The following D2HGDH variants were observed in gnomAD, a reference collection of about 807,000 sequenced individuals.
D2HGDH encodes D-2-hydroxyglutarate dehydrogenase, mitochondrial.
Under a neutral mutation model 46.9 loss-of-function variants are expected in D2HGDH, and 31 were observed. That is an observed-to-expected ratio of 0.66 (90% CI 0.50 to 0.89). The LOEUF is 0.89. Among genes scored for constraint, D2HGDH ranks in the 40% least tolerant of loss-of-function variants. The probability of loss-of-function intolerance (pLI) is 0.00; values close to 1 mark genes in which losing one functional copy is unlikely to be tolerated. For missense variants in D2HGDH, 698 were observed against 720.8 expected (o/e 0.97, Z 0.36); for synonymous variants, 364 against 332.6 (o/e 1.09, Z -1.03).
intron 7 of D2HGDH, among the ~76,000 whole-genome samples, chr2:241,750,689 G>T (rs184237166): frequency 1.5e-4 from 23 of 152,144 alleles, no homozygotes; most frequent in African/African-American, 5.1e-4. Flanking sequence ...ATTTTTTGTT[G>T]TTGGGGGATG....
chr2:241,762,212 C>T (rs938020130), intron 9 of D2HGDH, among the ~76,000 whole-genome samples: 3 of 151,886 alleles, frequency 2.0e-5, no homozygotes, highest in Non-Finnish European at 4.4e-5. Context: ...GCTGGGATTA[C>T]AGGCGTGTGC....
At chr2:241,753,263 G>A (rs1005422529) in intron 8 of D2HGDH, among the ~76,000 whole-genome samples, 1 of 152,210 alleles carries the variant, frequency 6.6e-6, no homozygotes, top group African/African-American at 2.4e-5. Context: ...CCGGATATGC[G>A]GTTGTGTGCA....
At chr2:241,750,392 C>T in intron 7 of D2HGDH, 98 bp downstream of exon 7, 6 of 962,692 alleles carry the variant, frequency 6.2e-6, no homozygotes, top group African/African-American at 1.8e-5. Context: ...GCGGGGGGTG[C>T]CCGGGCGGGC....
At chr2:241,736,580 C>T (rs1692888658) in intron 2 of D2HGDH, among the ~76,000 whole-genome samples, 2 of 152,088 alleles carry the variant, frequency 1.3e-5, no homozygotes, top group African/African-American at 2.4e-5. Flanking sequence ...CTTATAAAGA[C>T]ACTTCTCATT....
Position 241,735,510 on chromosome 2 carries a change from C to A in D2HGDH, c.286C>A (p.Leu96Met). The change falls in exon 2 of 10, where the codon CTG (leucine) becomes ATG (methionine). Residue 96 changes from leucine (L) to methionine (M), a missense_variant. By Grantham distance (15) the Leu-to-Met change is conservative. Transcript: ENST00000321264. ...TCCCAACGTGGACTGGTTGCGGACG[C>A]TGCGAGGTGGGTGAGGCTTGGGAAG... The part of the protein sequence containing the change: ...QAPNVDWLRT[L>M]RGCSKVLLRP... The A allele has an allele frequency of 6.2e-7, 1 of 1,606,074 alleles. No homozygotes were observed.
chr2:241,737,267 G>C (rs1693175109), intron 2 of D2HGDH, among the ~76,000 whole-genome samples: 1 of 152,226 alleles, frequency 6.6e-6, no homozygotes, highest in Non-Finnish European at 1.5e-5. Context: ...ACCATGCCCA[G>C]CCCCATTTTT....
intron 9 of D2HGDH, among the ~76,000 whole-genome samples, chr2:241,759,586 T>C (rs1698545105): frequency 1.3e-5 from 2 of 152,242 alleles, no homozygotes; most frequent in Admixed American, 1.3e-4. Flanking sequence ...ACAGGTTTCT[T>C]GCGTACTTGT....
chr2:241,747,544 G>GGGTT (rs1696185406), intron 6 of D2HGDH, among the ~76,000 whole-genome samples: 1 of 90,226 alleles, frequency 1.1e-5, no homozygotes, highest in Non-Finnish European at 2.1e-5. Context: ...TATCAGGAGA[G>GGGTT]TGTTTTTTTT....
chr2:241,755,430 T>G (rs1698013487), intron 8 of D2HGDH: 1 of 1,308,906 alleles, frequency 7.6e-7, no homozygotes, highest in Admixed American at 2.3e-5. Flanking sequence ...CCTCAGGGCC[T>G]TCCCTGGCCC....
At chr2:241,734,885 G>A (rs927426114) in intron 1 of D2HGDH, 190 bp downstream of exon 1, 6 of 274,684 alleles carry the variant, frequency 2.2e-5, no homozygotes, top group Non-Finnish European at 4.1e-5. Flanking sequence ...ATCCCCTCGG[G>A]GGGCGAGCTC....
chr2:241,757,855 A>T (rs1031062501), intron 9 of D2HGDH, among the ~76,000 whole-genome samples: 9 of 151,818 alleles, frequency 5.9e-5, no homozygotes, highest in African/African-American at 2.2e-4. Flanking sequence ...GCTACTCGGG[A>T]GGCTGAAGCA....
In D2HGDH at chr2:241,743,637, A is replaced by G; in HGVS notation, c.506A>G (p.Gln169Arg). The change falls in exon 5 of 10, where the codon CAG (glutamine) becomes CGG (arginine). Residue 169 changes from glutamine (Q) to arginine (R), a missense_variant. By Grantham distance (43) the Gln-to-Arg change is conservative. Coordinates refer to ENST00000321264, the MANE Select transcript of D2HGDH (RefSeq NM_152783.5). The surrounding 1 kb of genome is among the most constrained non-coding windows in gnomAD (Gnocchi z 4.8). ...CTCTCTGCAGGAATTCTGGTTTGCC[A>G]GGCGGGCTGCGTCCTGGAGGAGCTG... ...FHSVSGILVC[Q>R]AGCVLEELSR... The G allele has an allele frequency of 6.2e-7, 1 of 1,613,584 alleles. No individual in the cohort carries two copies. Among genetic ancestry groups the G allele is most frequent in the Non-Finnish European group, 8.5e-7 (1 of 1,179,930 alleles).
chr2:241,754,243 G>A (rs1345463107), intron 8 of D2HGDH, among the ~76,000 whole-genome samples: 2 of 152,230 alleles, frequency 1.3e-5, no homozygotes, highest in South Asian at 2.1e-4. Context: ...GGCGAAAGCC[G>A]GCCTCGCAGC....
intron 6 of D2HGDH, among the ~76,000 whole-genome samples, chr2:241,746,860 C>T (rs1011457927): frequency 6.6e-6 from 1 of 151,124 alleles, no homozygotes; most frequent in Non-Finnish European, 1.5e-5. Context: ...TGCACTCCAG[C>T]CTGGGTGACA....
intron 9 of D2HGDH, among the ~76,000 whole-genome samples, 153 bp downstream of exon 9, chr2:241,756,167 CAG>C (rs1698155136): frequency 6.6e-6 from 1 of 152,254 alleles, no homozygotes; most frequent in Non-Finnish European, 1.5e-5. Flanking sequence ...CGGTGTCTGA[CAG>C]GGAAGGGAAA....
At chr2:241,746,373 T>G (rs1269685070) in intron 6 of D2HGDH, among the ~76,000 whole-genome samples, 1 of 152,244 alleles carries the variant, frequency 6.6e-6, no homozygotes, top group Admixed American at 6.5e-5. Flanking sequence ...ATTTTGATTA[T>G]GAAAGTTTTT....
rs146117336 is a variant in D2HGDH, at chr2:241,745,385, C to T, written c.853+508C>T. On this transcript the variant is annotated intron_variant, in intron 6 of 9. Transcript: ENST00000321264. Reference sequence around the variant, plus strand: ...CTTCGGTTCTCCTGGGACCTGCCTGCGGCTCCTTTCTTGCTTCATTTGAAT... The same window carrying T: ...CTTCGGTTCTCCTGGGACCTGCCTGTGGCTCCTTTCTTGCTTCATTTGAAT... Among the ~76,000 whole-genome samples, 683 of 152,322 alleles carry T rather than the reference C, an allele frequency of 4.5e-3. 5 individuals are homozygous for T. Among genetic ancestry groups the T allele is most frequent in the African/African-American group, 0.015 (642 of 41,564 alleles).
Position 241,767,985 on chromosome 2 carries a change from C to T in D2HGDH, c.*16C>T. 6.3e-7 allele frequency: 1 copy of T among 1,577,632 alleles called. No homozygotes were observed. The highest frequency in any genetic ancestry group is 8.6e-7 in the Non-Finnish European group (1 of 1,166,974). ...CCAGGCCTGACGGCCACTCCTGCTG[C>T]TGCCAAGGCCCACTGGGGGTCGGCG... is the stretch of plus-strand genomic sequence containing the variant. On this transcript the variant is annotated 3_prime_UTR_variant, in exon 10 of 10. Coordinates refer to ENST00000321264, the MANE Select transcript of D2HGDH (RefSeq NM_152783.5).
At chr2:241,741,839 C>T (rs1458326687) in intron 3 of D2HGDH, among the ~76,000 whole-genome samples, 1 of 150,450 alleles carries the variant, frequency 6.6e-6, no homozygotes, top group East Asian at 2.0e-4. Context: ...ATGTGTGGGG[C>T]TTGCTGTCTC....
Sources: allele counts gnomAD v4.1 joint callset (sites outside exome capture counted in the v4.1 genomes callset), GRCh38; gene constraint gnomAD v4.1.1; non-coding constraint Gnocchi (gnomAD v3.1); transcripts MANE v1.5; gene names NCBI Gene and HGNC (gene_info 2026-07-23, HGNC 2026-07-21).